CDYL: variants seen among roughly 807,000 people sequenced by gnomAD.
The protein encoded by CDYL is chromodomain Y like.
Under a neutral mutation model 47.3 loss-of-function variants are expected in CDYL, and 8 were observed. The observed-to-expected ratio is 0.17, with a 90% CI of 0.10 to 0.31. The LOEUF (loss-of-function observed/expected upper bound fraction) is 0.31. Among genes scored for constraint, CDYL ranks in the 10% least tolerant of loss-of-function variants. The probability of loss-of-function intolerance (pLI) is 1.00; values close to 1 mark genes in which losing one functional copy is unlikely to be tolerated. For missense variants in CDYL, 471 were observed against 701.4 expected, an observed-to-expected ratio of 0.67 and a Z score of 3.71; for synonymous variants, 266 against 265.0, an observed-to-expected ratio of 1.00 and a Z score of -0.04.
At chr6:4,783,573 T>C (rs1758676338) in intron 1 of CDYL, among the ~76,000 whole-genome samples, 1 of 152,046 alleles carries the variant, frequency 6.6e-6, no homozygotes, top group African/African-American at 2.4e-5. Context: ...TGCACCACCA[T>C]GCCTGGCTAT....
intron 1 of CDYL, among the ~76,000 whole-genome samples, chr6:4,778,750 G>T (rs1758535874): frequency 6.6e-6 from 1 of 152,208 alleles, no homozygotes; most frequent in Non-Finnish European, 1.5e-5. Flanking sequence ...GTAGTGGTCA[G>T]TATCTTTCAA....
rs150694647 is a variant in CDYL, at chr6:4,841,555, G to C, written c.25-50158G>C. Among the ~76,000 whole-genome samples, 1,410 of 152,120 alleles carry C rather than the reference G, an allele frequency of 9.3e-3. 19 individuals carry two copies. The highest frequency in any genetic ancestry group is 0.032 in the African/African-American group (1,340 of 41,500). Reference sequence around the variant, plus strand: ...GCATATGAACTTTCCACTTAGCATTGCCTTTGCTGTATCCCAGAAGTTTTG... The same window carrying C: ...GCATATGAACTTTCCACTTAGCATTCCCTTTGCTGTATCCCAGAAGTTTTG... On this transcript the variant is annotated intron_variant, in intron 1 of 6. Coordinates refer to ENST00000397588, the MANE Select transcript of CDYL (RefSeq NM_004824.4).
intron 1 of CDYL, among the ~76,000 whole-genome samples, chr6:4,867,343 T>C (rs1365798196): frequency 1.3e-5 from 2 of 152,172 alleles, no homozygotes; most frequent in Non-Finnish European, 2.9e-5. Context: ...ATTTTGTCTT[T>C]TTCTTTACCA....
Position 4,935,367 on chromosome 6 carries a change from G to T in CDYL, c.692-148G>T, listed in dbSNP as rs560772455. 4.3e-6 allele frequency: 3 copies of T among 694,744 alleles called. No individual in the cohort carries two copies. The Admixed American group carries it at 8.7e-5, about 20-fold the overall frequency. The allele number at this position is 694,744 out of a possible 1,614,324, so 43.0% of individuals were successfully genotyped here. A position where few individuals can be genotyped will look rare whatever the true frequency, so the allele number is the denominator to read the frequency against. On this transcript the variant is annotated intron_variant, in intron 2 of 6. Coordinates refer to ENST00000397588, the MANE Select transcript of CDYL (RefSeq NM_004824.4). Reference sequence around the variant, plus strand: ...GCAAGTGGCTTTAAAAGTAGACTTTGGCTTTCTAAAGGTTCTAAGTTTTAA... The same window carrying T: ...GCAAGTGGCTTTAAAAGTAGACTTTTGCTTTCTAAAGGTTCTAAGTTTTAA...
At chr6:4,737,342 A>G (rs1470768550) in intron 3 of CDYL, among the ~76,000 whole-genome samples, 3 of 103,474 alleles carry the variant, frequency 2.9e-5, no homozygotes. Context: ...TAACAAACTT[A>G]AGAAATATTT....
At chr6:4,834,653 A>G (rs1316954245) in intron 1 of CDYL, among the ~76,000 whole-genome samples, 2 of 151,836 alleles carry the variant, frequency 1.3e-5, no homozygotes, top group South Asian at 2.1e-4. Context: ...CTCCTGGATA[A>G]TATCCTGCAG....
chr6:4,725,635 T>C (rs899349289), intron 2 of CDYL, among the ~76,000 whole-genome samples: 6 of 152,216 alleles, frequency 3.9e-5, no homozygotes, highest in Non-Finnish European at 1.5e-5. Flanking sequence ...CACCCGGAAC[T>C]CGCACTGGCC....
At chr6:4,779,977 A>G (rs1758567110) in intron 1 of CDYL, among the ~76,000 whole-genome samples, 1 of 152,190 alleles carries the variant, frequency 6.6e-6, no homozygotes, top group African/African-American at 2.4e-5. Flanking sequence ...AATCACTTAC[A>G]AATGTAAAAA....
At chr6:4,842,995 G>C (rs1760547654) in intron 1 of CDYL, among the ~76,000 whole-genome samples, 1 of 152,108 alleles carries the variant, frequency 6.6e-6, no homozygotes, top group Non-Finnish European at 1.5e-5. Context: ...TGTAGCGCTG[G>C]CTTGGTATTG....
chr6:4,762,238 C>T (rs1758185882), intron 3 of CDYL, among the ~76,000 whole-genome samples: 2 of 152,148 alleles, frequency 1.3e-5, no homozygotes, highest in African/African-American at 2.4e-5. Flanking sequence ...TACAGCTTAG[C>T]TTTTAATTCT....
At chr6:4,820,510 T>G (rs757914346) in intron 1 of CDYL, among the ~76,000 whole-genome samples, 5 of 152,156 alleles carry the variant, frequency 3.3e-5, no homozygotes, top group Non-Finnish European at 5.9e-5. Context: ...CATCGGACCT[T>G]TGGGGTCCTG....
At chr6:4,751,621 A>T (rs1031026269) in intron 3 of CDYL, among the ~76,000 whole-genome samples, 6 of 152,224 alleles carry the variant, frequency 3.9e-5, no homozygotes, top group Admixed American at 6.5e-5. Flanking sequence ...AACACCCTAG[A>T]TTCCCATAAT....
At chr6:4,869,316 A>G (rs757972500) in intron 1 of CDYL, among the ~76,000 whole-genome samples, 11 of 151,942 alleles carry the variant, frequency 7.2e-5, no homozygotes, top group Admixed American at 2.0e-4. Context: ...GGCTGGTCTC[A>G]AACTCCTGAC....
intron 2 of CDYL, among the ~76,000 whole-genome samples, chr6:4,908,935 G>T (rs1393960599): frequency 2.0e-5 from 3 of 152,144 alleles, no homozygotes; most frequent in African/African-American, 7.2e-5. Flanking sequence ...CTGCTTACCT[G>T]GTTAAGCCAC....
chr6:4,865,367 G>A (rs1240251503), intron 1 of CDYL, among the ~76,000 whole-genome samples: 1 of 152,188 alleles, frequency 6.6e-6, no homozygotes, highest in Non-Finnish European at 1.5e-5. Context: ...AGCCAATAGG[G>A]GAATGACACA....
intron 1 of CDYL, among the ~76,000 whole-genome samples, chr6:4,885,230 G>A (rs1323114071): frequency 6.6e-6 from 1 of 152,162 alleles, no homozygotes; most frequent in South Asian, 2.1e-4. Flanking sequence ...CTAGGTTCTA[G>A]CAATGCTGCC....
At chr6:4,819,162 C>CTCTCTCTCTCTCTCTGTG (rs1016051589) in intron 1 of CDYL, among the ~76,000 whole-genome samples, 4 of 111,944 alleles carry the variant, frequency 3.6e-5, no homozygotes, top group Non-Finnish European at 6.8e-5. Context: ...CTCTCTCTCT[C>CTCTCTCTCTCTCTCTGTG]TGTGTGTGTG....
intron 2 of CDYL, among the ~76,000 whole-genome samples, chr6:4,721,405 CAG>C (rs1416117410): frequency 6.6e-6 from 1 of 151,962 alleles, no homozygotes; most frequent in Non-Finnish European, 1.5e-5. Flanking sequence ...GTTTTTAAGA[CAG>C]AGTCTTGCAC....
chr6:4,917,385 T>TGTG (rs1457951458), intron 2 of CDYL, among the ~76,000 whole-genome samples: 1 of 152,172 alleles, frequency 6.6e-6, no homozygotes, highest in Non-Finnish European at 1.5e-5. Context: ...ACTGTTTCTG[T>TGTG]GTGGTGGTTC....
Sources: allele counts gnomAD v4.1 joint callset (sites outside exome capture counted in the v4.1 genomes callset), GRCh38; gene constraint gnomAD v4.1.1; transcripts MANE v1.5; gene names NCBI Gene and HGNC (gene_info 2026-07-23, HGNC 2026-07-21).